Variants in KCNH8 observed in about 807,000 individuals in gnomAD.
The protein encoded by KCNH8 is potassium voltage-gated channel subfamily H member 8.
A neutral mutation model predicts 103.6 loss-of-function variants in KCNH8; 70 were observed. The observed-to-expected ratio is 0.68, with a 90% confidence interval of 0.56 to 0.82. The LOEUF (loss-of-function observed/expected upper bound fraction) is 0.82, where lower values mean the gene tolerates loss of function less well. Ranked by LOEUF, KCNH8 falls within the 40% of genes least tolerant of loss-of-function variation. The pLI is 0.00. For missense variants in KCNH8, 1,217 were observed against 1,329.9 expected (o/e 0.92, Z 1.32); for synonymous variants, 498 against 489.4 (o/e 1.02, Z -0.23).
At chr3:19,419,091 A>G (rs373306056) in intron 7 of KCNH8, among the ~76,000 whole-genome samples, 1 of 151,772 alleles carries the variant, frequency 6.6e-6, no homozygotes, top group Non-Finnish European at 1.5e-5. Flanking sequence ...TAAAATTTTA[A>G]TACCTCTTCT....
rs1480129856 is a variant in KCNH8, at chr3:19,513,263, G to A, written c.2373G>A (p.Glu791=). 1 of 1,612,902 alleles carries A rather than the reference G, an allele frequency of 6.2e-7. No homozygotes were observed. Among genetic ancestry groups the A allele is most frequent in the Non-Finnish European group, 8.5e-7 (1 of 1,179,678 alleles). Residue 791 remains glutamate (E), a synonymous_variant, in exon 13 of 16, where the codon GAG becomes GAA. Transcript: ENST00000328405. The part of the protein sequence containing the change: ...IDPPNHNKRK[E]KNLKLQLSTL... Reference sequence around the variant, plus strand: ...CCCCCAACCATAATAAAAGGAAAGAGAAGAACTTGAAATTGCAACTTTCAA... The same window carrying A: ...CCCCCAACCATAATAAAAGGAAAGAAAAGAACTTGAAATTGCAACTTTCAA...
Position 19,420,281 on chromosome 3 carries a change from C to T in KCNH8, c.1178-17883C>T, listed in dbSNP as rs906180228. Reference sequence around the variant, plus strand: ...TGACTATGGTAGCTTATTTTGTTCCCGATAAACTTTATGTAACTTTTTTGC... The same window carrying T: ...TGACTATGGTAGCTTATTTTGTTCCTGATAAACTTTATGTAACTTTTTTGC... On this transcript the variant is annotated intron_variant, in intron 7 of 15. Coordinates refer to ENST00000328405, the MANE Select transcript of KCNH8 (RefSeq NM_144633.3). 4.6e-5 allele frequency among the ~76,000 whole-genome samples: 7 copies of T among 152,078 alleles called. No homozygotes were observed. In the East Asian group the frequency reaches 5.8e-4, roughly 13 times the overall value.
At chr3:19,211,916 G>A (rs2063775240) in intron 1 of KCNH8, among the ~76,000 whole-genome samples, 1 of 152,178 alleles carries the variant, frequency 6.6e-6, no homozygotes, top group African/African-American at 2.4e-5. Flanking sequence ...ATGTGTTTGG[G>A]TGGTATGTTA....
intron 1 of KCNH8, among the ~76,000 whole-genome samples, chr3:19,155,263 C>A (rs533019878): frequency 1.2e-4 from 19 of 152,260 alleles, no homozygotes; most frequent in Admixed American, 1.0e-3. Context: ...GCCTTGACTG[C>A]CTACACATCT....
intron 3 of KCNH8, among the ~76,000 whole-genome samples, chr3:19,335,467 G>A (rs913852882): frequency 1.7e-5 from 2 of 115,832 alleles, no homozygotes; most frequent in South Asian, 2.9e-4. Context: ...GTGTGTGTGT[G>A]TATATATATG....
chr3:19,229,412 C>T (rs968893784), intron 1 of KCNH8, among the ~76,000 whole-genome samples: 1 of 152,204 alleles, frequency 6.6e-6, no homozygotes, highest in Admixed American at 6.5e-5. Context: ...TGGAGGTTCC[C>T]AAACCTCAAT....
At chr3:19,240,450 T>A (rs544888994) in intron 1 of KCNH8, among the ~76,000 whole-genome samples, 1 of 151,808 alleles carries the variant, frequency 6.6e-6, no homozygotes, top group East Asian at 1.9e-4. Flanking sequence ...CTGTCTCTAC[T>A]AAAAATACAA....
At chr3:19,389,027 C>T (rs546552796) in intron 5 of KCNH8, among the ~76,000 whole-genome samples, 2 of 152,214 alleles carry the variant, frequency 1.3e-5, no homozygotes, top group South Asian at 4.1e-4. Flanking sequence ...ATACGAAGAA[C>T]CTGTGTGTTA....
intron 1 of KCNH8, among the ~76,000 whole-genome samples, chr3:19,223,348 TTAAC>T (rs1489836526): frequency 1.3e-5 from 2 of 152,212 alleles, no homozygotes; most frequent in Non-Finnish European, 2.9e-5. Context: ...ATTTTTGTCT[TTAAC>T]TAATGTAGTC....
intron 1 of KCNH8, among the ~76,000 whole-genome samples, chr3:19,171,110 T>A (rs1434490344): frequency 6.6e-6 from 1 of 152,166 alleles, no homozygotes; most frequent in Non-Finnish European, 1.5e-5. Context: ...CCTTGGGGCA[T>A]ATATTTTGAG....
At chr3:19,461,994 G>A (rs890771746) in intron 11 of KCNH8, among the ~76,000 whole-genome samples, 23 of 152,222 alleles carry the variant, frequency 1.5e-4, no homozygotes, top group Admixed American at 3.3e-4. Context: ...TGGCTGCATA[G>A]TATTCCATGG....
At chr3:19,183,682 G>A (rs1047062492) in intron 1 of KCNH8, among the ~76,000 whole-genome samples, 2 of 152,144 alleles carry the variant, frequency 1.3e-5, no homozygotes, top group Non-Finnish European at 2.9e-5. Context: ...ATTTGACGTG[G>A]AAGATACAGA....
At chr3:19,171,711 A>G (rs959104051) in intron 1 of KCNH8, among the ~76,000 whole-genome samples, 2 of 151,714 alleles carry the variant, frequency 1.3e-5, no homozygotes, top group African/African-American at 4.9e-5. Flanking sequence ...GAAATGTGCT[A>G]ATTACCTTCA....
chr3:19,224,236 T>C (rs1345557614), intron 1 of KCNH8, among the ~76,000 whole-genome samples: 2 of 152,190 alleles, frequency 1.3e-5, no homozygotes, highest in African/African-American at 4.8e-5. Flanking sequence ...ATTCTGACAT[T>C]TTTAAATAAT....
intron 3 of KCNH8, among the ~76,000 whole-genome samples, chr3:19,301,071 A>G (rs1173446455): frequency 6.6e-6 from 1 of 151,358 alleles, no homozygotes; most frequent in African/African-American, 2.4e-5. Flanking sequence ...TATGAGCAAT[A>G]TTATTATCAG....
rs1467354399 is a variant in KCNH8 at position 19,192,807 on chromosome 3, G to T, written c.76+44012G>T. Among the ~76,000 whole-genome samples, 5 of 151,364 alleles carry T rather than the reference G, an allele frequency of 3.3e-5. No homozygotes were observed. The East Asian group carries it at 9.7e-4, about 29-fold the overall frequency. Reference sequence around the variant, plus strand: ...TTGGCTTGGATTTGTGATTAAATTTGATCCCATTATATTTATTTTCACTTA... The same window carrying T: ...TTGGCTTGGATTTGTGATTAAATTTTATCCCATTATATTTATTTTCACTTA... On this transcript the variant is annotated intron_variant, in intron 1 of 15. Coordinates refer to ENST00000328405, the MANE Select transcript of KCNH8 (RefSeq NM_144633.3).
At chr3:19,175,373 C>T (rs538317612) in intron 1 of KCNH8, among the ~76,000 whole-genome samples, 18 of 152,068 alleles carry the variant, frequency 1.2e-4, no homozygotes, top group South Asian at 2.1e-4. Context: ...AGGCGCCCGC[C>T]ACTACGCCCG....
chr3:19,377,347 A>G (rs1280022369), intron 5 of KCNH8, among the ~76,000 whole-genome samples: 1 of 152,166 alleles, frequency 6.6e-6, no homozygotes. Context: ...GGATTTGTGC[A>G]CATTTGTTGG....
At chr3:19,212,279 G>A (rs1440074859) in intron 1 of KCNH8, among the ~76,000 whole-genome samples, 2 of 152,148 alleles carry the variant, frequency 1.3e-5, no homozygotes, top group Admixed American at 1.3e-4. Flanking sequence ...AGGTCTCACA[G>A]CTAACAGCTA....
Sources: gnomAD v4.1 joint callset for allele counts (sites outside exome capture counted in the v4.1 genomes callset) on GRCh38, gnomAD v4.1.1 for gene constraint, MANE v1.5 for transcripts, NCBI Gene and HGNC (gene_info 2026-07-23, HGNC 2026-07-21) for gene names.